Variants in TDRP observed in about 807,000 individuals in gnomAD.
TDRP encodes testis development-related protein.
TDRP carries 12 observed loss-of-function variants against 10.5 expected under a neutral mutation model. The observed-to-expected ratio is 1.15, with a 90% CI of 0.73 to 1.86. The LOEUF (loss-of-function observed/expected upper bound fraction) is 1.86. Ranked by LOEUF, TDRP falls within the 40% of genes most tolerant of loss-of-function variation. TDRP has a pLI of 0.00. For missense variants in TDRP, 353 were observed against 229.2 expected (o/e 1.54, Z -3.49); for synonymous variants, 139 against 95.4 (o/e 1.46, Z -2.67).
intron 1 of TDRP, among the ~76,000 whole-genome samples, chr8:537,857 G>C (rs765699750): frequency 6.6e-6 from 1 of 152,076 alleles, no homozygotes; most frequent in African/African-American, 2.4e-5. Context: ...AATACAATGG[G>C]TTTTACCTAC....
At chr8:505,540 C>G (rs755007700) in intron 1 of TDRP, among the ~76,000 whole-genome samples, 1 of 152,310 alleles carries the variant, frequency 6.6e-6, no homozygotes, top group South Asian at 2.1e-4. Context: ...ATACCTCAGA[C>G]GGGAACTTAA....
intron 1 of TDRP, among the ~76,000 whole-genome samples, chr8:530,565 A>G (rs2116852616): frequency 6.6e-6 from 1 of 152,246 alleles, no homozygotes; most frequent in Non-Finnish European, 1.5e-5. Flanking sequence ...CTGGGGATGA[A>G]TCTTCTCTGG....
chr8:508,360 G>A (rs1017577811), intron 1 of TDRP, among the ~76,000 whole-genome samples: 1 of 152,188 alleles, frequency 6.6e-6, no homozygotes, highest in South Asian at 2.1e-4. Context: ...AACTGCCCAA[G>A]ACTGGGTAAT....
intron 1 of TDRP, 81 bp from the exon 2 acceptor site, chr8:494,678 T>C: frequency 1.5e-6 from 2 of 1,296,618 alleles, no homozygotes; most frequent in Non-Finnish European, 2.2e-6. Context: ...AACCATGGAG[T>C]TGAAATTTAG....
At position 521,335 on chromosome 8, in the gene TDRP, T is replaced by G. The variant is rs1181047903; in HGVS notation, c.108+23315A>C. ...GGGAGGCTGAGGCAGGAGAATGGCG[T>G]GAACCCGGGAGGCGGGGCTTACAGT... On this transcript the variant is annotated intron_variant, in intron 1 of 2. Transcript: ENST00000324079. Among the ~76,000 whole-genome samples the G allele has an allele frequency of 4.0e-5, 6 of 151,116 alleles. No individual in the cohort carries two copies. The East Asian group carries it at 1.2e-3, about 29-fold the overall frequency.
rs189542767 is a variant in TDRP at position 501,439 on chromosome 8, C to G, written c.109-6842G>C. On this transcript the variant is annotated intron_variant, in intron 1 of 2. Transcript: ENST00000324079. Reference sequence around the variant, plus strand: ...TTGGCTCACTGCAACATCCACCTCCCAGGTTCAAGCAATTCTCCTGCCTCA... The same window carrying G: ...TTGGCTCACTGCAACATCCACCTCCGAGGTTCAAGCAATTCTCCTGCCTCA... Among the ~76,000 whole-genome samples the G allele has an allele frequency of 3.3e-3, 505 of 151,896 alleles. 4 individuals are homozygous for G. The highest frequency in any genetic ancestry group is 0.011 in the African/African-American group (473 of 41,482).
intron 1 of TDRP, among the ~76,000 whole-genome samples, chr8:535,255 G>A (rs1359201749): frequency 1.3e-5 from 2 of 152,182 alleles, no homozygotes; most frequent in Middle Eastern, 3.4e-3. Flanking sequence ...CAAGTCTTTG[G>A]GAGCAGCTGC....
chr8:523,663 C>G (rs1242108184), intron 1 of TDRP, among the ~76,000 whole-genome samples: 2 of 152,270 alleles, frequency 1.3e-5, no homozygotes, highest in Admixed American at 6.5e-5. Context: ...CCTGGCAATA[C>G]TCTCCGAGGG....
At chr8:541,455 T>G (rs1394248831) in intron 1 of TDRP, among the ~76,000 whole-genome samples, 1 of 152,194 alleles carries the variant, frequency 6.6e-6, no homozygotes, top group Non-Finnish European at 1.5e-5. Context: ...AAAAAGACAC[T>G]GTCAAGAGAA....
At chr8:493,742 C>A (rs1801046671) in intron 2 of TDRP, among the ~76,000 whole-genome samples, 1 of 151,440 alleles carries the variant, frequency 6.6e-6, no homozygotes, top group African/African-American at 2.4e-5. Flanking sequence ...CCAGTCAATC[C>A]TTTGTATTTT....
At chr8:543,267 T>G (rs1486862447) in intron 1 of TDRP, among the ~76,000 whole-genome samples, 2 of 151,928 alleles carry the variant, frequency 1.3e-5, no homozygotes, top group African/African-American at 4.8e-5. Flanking sequence ...GAGCCGAGAT[T>G]GCGCCACTGC....
intron 1 of TDRP, among the ~76,000 whole-genome samples, chr8:519,841 G>A (rs190899753): frequency 5.9e-4 from 90 of 152,342 alleles, no homozygotes; most frequent in African/African-American, 2.0e-3. Flanking sequence ...TTGAATTATT[G>A]TTCCACCTGG....
intron 1 of TDRP, among the ~76,000 whole-genome samples, chr8:495,813 A>ATCAGG (rs1801112747): frequency 6.6e-6 from 1 of 152,224 alleles, no homozygotes; most frequent in Admixed American, 6.5e-5. Flanking sequence ...GCCAGGTGCA[A>ATCAGG]TGTCTGGGGG....
At chr8:516,198 AG>A (rs1801753406) in intron 1 of TDRP, among the ~76,000 whole-genome samples, 1 of 152,192 alleles carries the variant, frequency 6.6e-6, no homozygotes. Flanking sequence ...TACAGGTCTC[AG>A]GAGGTTCACA....
chr8:490,167 T>A lies in TDRP; in HGVS notation c.*2232A>T, dbSNP rs1010090142. ...TGTGAAGATAATAAATTTGCTTTGA[T>A]AACTTCTTTCAAGAAAAGATAATTT... On this transcript the variant is annotated 3_prime_UTR_variant, in exon 3 of 3. Coordinates refer to ENST00000324079, the MANE Select transcript of TDRP (RefSeq NM_001384899.1). The A allele has an allele frequency of 2.6e-5, 4 of 152,310 alleles. No homozygotes were observed. Among genetic ancestry groups the A allele is most frequent in the Admixed American group, 2.6e-4 (4 of 15,294 alleles). The allele number at this position is 152,310 out of a possible 1,614,324, so 9.4% of individuals were successfully genotyped here.
At chr8:545,088 G>T (rs1802616937), upstream of TDRP, 6 of 107,112 alleles carry the variant, frequency 5.6e-5, no homozygotes, top group East Asian at 8.7e-4. Flanking sequence ...CCCCAAATTC[G>T]ACGGGGCTCC....
chr8:520,218 T>G (rs1009001527), intron 1 of TDRP, among the ~76,000 whole-genome samples: 5 of 152,258 alleles, frequency 3.3e-5, no homozygotes, highest in African/African-American at 1.2e-4. Context: ...TGTTTTTTTG[T>G]GCCTCGCTTA....
At chr8:515,109 C>G (rs575220205) in intron 1 of TDRP, among the ~76,000 whole-genome samples, 1 of 152,158 alleles carries the variant, frequency 6.6e-6, no homozygotes, top group Non-Finnish European at 1.5e-5. Context: ...CACACAGAGC[C>G]TCCTTGGCCT....
intron 1 of TDRP, among the ~76,000 whole-genome samples, chr8:527,355 G>C (rs1012768954): frequency 2.6e-5 from 4 of 151,876 alleles, no homozygotes; most frequent in African/African-American, 9.7e-5. Context: ...GCAATCTACA[G>C]ATTCAATGTA....
Sources: gnomAD v4.1 joint callset for allele counts (sites outside exome capture counted in the v4.1 genomes callset) on GRCh38, gnomAD v4.1.1 for gene constraint, MANE v1.5 for transcripts, NCBI Gene and HGNC (gene_info 2026-07-23, HGNC 2026-07-21) for gene names.